PXDNL: variants seen among roughly 807,000 people sequenced by gnomAD.
PXDNL encodes the protein probable oxidoreductase PXDNL.
PXDNL carries 145 observed loss-of-function variants against 150.8 expected under a neutral mutation model. The ratio of observed to expected loss-of-function variants is 0.96; its 90% CI spans 0.84 to 1.10. The LOEUF is 1.10. Ranked by LOEUF, PXDNL falls within the 50% of genes least tolerant of loss-of-function variation. PXDNL has a pLI of 0.00. For missense variants in PXDNL, 2,087 were observed against 1,873.9 expected, an observed-to-expected ratio of 1.11 and a Z score of -2.10; for synonymous variants, 757 against 725.7, an observed-to-expected ratio of 1.04 and a Z score of -0.69.
In PXDNL at chr8:51,409,352, G is replaced by T. The variant is rs755100455; in HGVS notation, c.2272C>A (p.Arg758=). The T allele has an allele frequency of 1.5e-5, 23 of 1,541,418 alleles. No homozygotes were observed. Among genetic ancestry groups the T allele is most frequent in the African/African-American group, 1.3e-4 (9 of 70,786 alleles). Residue 758 remains arginine (R), a synonymous_variant, in exon 17 of 23, where the codon CGG becomes AGG. Coordinates refer to ENST00000356297, the MANE Select transcript of PXDNL (RefSeq NM_144651.5). Reference sequence around the variant, plus strand: ...CCGCGGGGCGCGCGGATGCCGTCCCGGTAGGCTGGCTGCAGCAGGCGCGCG... The same window carrying T: ...CCGCGGGGCGCGCGGATGCCGTCCCTGTAGGCTGGCTGCAGCAGGCGCGCG... ...AFARLLQPAY[R]DGIRAPRGLG... is the part of the protein sequence containing the mutation.
intron 2 of PXDNL, among the ~76,000 whole-genome samples, chr8:51,616,098 C>T (rs1814124372): frequency 6.6e-6 from 1 of 152,222 alleles, no homozygotes; most frequent in South Asian, 2.1e-4. Context: ...GAGCCCATGC[C>T]TGAGATGGAC....
intron 2 of PXDNL, among the ~76,000 whole-genome samples, chr8:51,653,664 C>T (rs1390626059): frequency 3.3e-5 from 5 of 152,104 alleles, no homozygotes; most frequent in African/African-American, 4.8e-5. Context: ...ATGTGTGTTC[C>T]GGCATCAGTT....
intron 4 of PXDNL, among the ~76,000 whole-genome samples, chr8:51,521,247 A>G (rs1206183306): frequency 6.6e-6 from 1 of 152,158 alleles, no homozygotes; most frequent in Non-Finnish European, 1.5e-5. Context: ...GTCTCTAAAA[A>G]TATAAAAATA....
chr8:51,793,446 C>T (rs2037532002), intron 1 of PXDNL, among the ~76,000 whole-genome samples: 2 of 152,186 alleles, frequency 1.3e-5, no homozygotes, highest in Admixed American at 1.3e-4. Context: ...CAAATGATCA[C>T]AACACCTCTC....
At chr8:51,803,169 C>T (rs1041112094) in intron 1 of PXDNL, among the ~76,000 whole-genome samples, 1 of 152,162 alleles carries the variant, frequency 6.6e-6, no homozygotes, top group Non-Finnish European at 1.5e-5. Context: ...GGAGGCCTCC[C>T]ATCTGTCCTG....
intron 1 of PXDNL, among the ~76,000 whole-genome samples, chr8:51,774,065 A>C (rs569868529): frequency 6.6e-6 from 1 of 152,338 alleles, no homozygotes; most frequent in South Asian, 2.1e-4. Flanking sequence ...AGCACTTTGA[A>C]ATGAATGTTT....
intron 19 of PXDNL, among the ~76,000 whole-genome samples, chr8:51,356,529 A>G (rs3115784): frequency 0.73 from 109,933 of 150,208 alleles, 40,790 homozygotes; most frequent in East Asian, 0.94. Context: ...CGTACCTAAG[A>G]TAGCTAAGGA....
intron 1 of PXDNL, among the ~76,000 whole-genome samples, chr8:51,663,170 G>A (rs1479299716): frequency 2.6e-5 from 4 of 152,140 alleles, no homozygotes; most frequent in African/African-American, 4.8e-5. Flanking sequence ...CAGTGGACCC[G>A]GGAAATGGCC....
rs139691501 is a variant in PXDNL at position 51,400,516 on chromosome 8, C to T, written c.3557+7551G>A. ...GTTAAATTAATGTCATACTTTAAGG[C>T]GTTAAATTATTTTGCACTCTGTTTT... On this transcript the variant is annotated intron_variant, in intron 17 of 22. Coordinates refer to ENST00000356297, the MANE Select transcript of PXDNL (RefSeq NM_144651.5). 6.2e-3 allele frequency among the ~76,000 whole-genome samples: 944 copies of T among 152,244 alleles called. 5 individuals are homozygous for T. Among genetic ancestry groups the T allele is most frequent in the Middle Eastern group, 0.034 (10 of 294 alleles).
intron 15 of PXDNL, 111 bp downstream of exon 15, chr8:51,413,038 TA>T: frequency 1.5e-6 from 1 of 665,854 alleles, no homozygotes; most frequent in Non-Finnish European, 2.6e-6. Context: ...ACACAAGGAC[TA>T]AAGAAAGCAC....
At chr8:51,785,453 C>A (rs1161537517) in intron 1 of PXDNL, among the ~76,000 whole-genome samples, 1 of 152,188 alleles carries the variant, frequency 6.6e-6, no homozygotes, top group South Asian at 2.1e-4. Flanking sequence ...TTCTTACAAC[C>A]TGAAGGTCTG....
intron 2 of PXDNL, among the ~76,000 whole-genome samples, chr8:51,628,205 T>C (rs549361043): frequency 6.6e-6 from 1 of 152,204 alleles, no homozygotes; most frequent in Non-Finnish European, 1.5e-5. Context: ...ATTTTTTGGC[T>C]GATCTCTTGG....
intron 4 of PXDNL, among the ~76,000 whole-genome samples, chr8:51,530,075 T>C (rs1301082275): frequency 6.6e-6 from 1 of 152,146 alleles, no homozygotes. Flanking sequence ...AGGTTGAAGA[T>C]AAAGCAGATA....
At chr8:51,598,697 T>C (rs1813627038) in intron 2 of PXDNL, among the ~76,000 whole-genome samples, 1 of 152,044 alleles carries the variant, frequency 6.6e-6, no homozygotes, top group Non-Finnish European at 1.5e-5. Flanking sequence ...TGGCCTGTAG[T>C]TTCATTTTTT....
intron 4 of PXDNL, among the ~76,000 whole-genome samples, chr8:51,539,523 A>ATTTG (rs1456026826): frequency 2.0e-5 from 3 of 152,074 alleles, no homozygotes; most frequent in African/African-American, 7.2e-5. Flanking sequence ...ACAGAATTGA[A>ATTTG]TTTGTTTGTT....
At chr8:51,676,303 A>T (rs1815621366) in intron 1 of PXDNL, among the ~76,000 whole-genome samples, 1 of 151,162 alleles carries the variant, frequency 6.6e-6, no homozygotes, top group Admixed American at 6.6e-5. Flanking sequence ...TTGAGATGGA[A>T]TCTTGCTCTG....
intron 1 of PXDNL, among the ~76,000 whole-genome samples, chr8:51,684,101 A>G (rs1416700973): frequency 6.6e-6 from 1 of 152,210 alleles, no homozygotes; most frequent in African/African-American, 2.4e-5. Flanking sequence ...AGGGCAGTAA[A>G]TCAAAGCTGC....
intron 13 of PXDNL, 136 bp from the exon 14 acceptor site, chr8:51,423,867 T>C (rs1041190202): frequency 1.5e-6 from 1 of 653,882 alleles, no homozygotes. Flanking sequence ...CTGGAGGAGA[T>C]ACATGAATCT....
intron 4 of PXDNL, among the ~76,000 whole-genome samples, chr8:51,554,995 T>C (rs528646112): frequency 6.6e-6 from 1 of 152,328 alleles, no homozygotes; most frequent in African/African-American, 2.4e-5. Context: ...CTTCCAAATA[T>C]TCAGGTGTTT....
Sources: allele counts gnomAD v4.1 joint callset (sites outside exome capture counted in the v4.1 genomes callset), GRCh38; gene constraint gnomAD v4.1.1; transcripts MANE v1.5; gene names NCBI Gene and HGNC (gene_info 2026-07-23, HGNC 2026-07-21).